Variants in HACD3 observed in about 807,000 individuals in gnomAD.
HACD3 encodes 3-hydroxyacyl-CoA dehydratase 3.
In HACD3, 30 loss-of-function variants were observed where a neutral mutation model predicts 55.2. The ratio of observed to expected loss-of-function variants is 0.54; its 90% confidence interval spans 0.41 to 0.74. The LOEUF (loss-of-function observed/expected upper bound fraction) is 0.74, where lower values mean the gene tolerates loss of function less well. HACD3 is among the 30% of genes least tolerant of loss of function. The pLI is 0.00. For synonymous variants in HACD3, 141 were observed against 151.7 expected (o/e 0.93, Z 0.52); for missense variants, 363 against 440.1 (o/e 0.82, Z 1.57).
chr15:65,561,284 T>A (rs943943417), intron 5 of HACD3, among the ~76,000 whole-genome samples: 1 of 152,030 alleles, frequency 6.6e-6, no homozygotes, highest in African/African-American at 2.4e-5. Flanking sequence ...CTGGCCAACA[T>A]GATGAAACCC....
At chr15:65,568,976 G>A (rs111703477) in intron 7 of HACD3, among the ~76,000 whole-genome samples, 13 of 152,014 alleles carry the variant, frequency 8.6e-5, no homozygotes, top group African/African-American at 2.2e-4. Context: ...GGCCGGGCGC[G>A]GTGGCTCATG....
intron 7 of HACD3, among the ~76,000 whole-genome samples, chr15:65,569,772 T>G (rs1301666191): frequency 2.0e-5 from 3 of 152,252 alleles, no homozygotes; most frequent in African/African-American, 4.8e-5. Context: ...GGTCCCACGT[T>G]TGTAGTGCTC....
At chr15:65,549,560 A>G (rs1184924570) in intron 1 of HACD3, among the ~76,000 whole-genome samples, 2 of 146,786 alleles carry the variant, frequency 1.4e-5, no homozygotes, top group East Asian at 4.0e-4. Flanking sequence ...AGATGGCGCC[A>G]CTGTACTCCA....
intron 1 of HACD3, among the ~76,000 whole-genome samples, chr15:65,546,536 A>G (rs2141210031): frequency 6.6e-6 from 1 of 152,312 alleles, no homozygotes; most frequent in South Asian, 2.1e-4. Flanking sequence ...AAAAAAACCA[A>G]ATATGACATT....
At chr15:65,570,922 CT>C (rs2072341788) in intron 8 of HACD3, among the ~76,000 whole-genome samples, 1 of 152,238 alleles carries the variant, frequency 6.6e-6, no homozygotes, top group South Asian at 2.1e-4. Flanking sequence ...AGTGTACCCT[CT>C]AATAGCCTTA....
At chr15:65,567,930 CT>C (rs747363151) in intron 7 of HACD3, among the ~76,000 whole-genome samples, 334 of 130,774 alleles carry the variant, frequency 2.6e-3, no homozygotes, top group Admixed American at 2.4e-3. Flanking sequence ...TAGTTTCTTT[CT>C]TTTTTTTTTT....
In HACD3 at chr15:65,576,347, C is replaced by T. The variant is rs192711057; in HGVS notation, c.1057C>T (p.Arg353Cys). Residue 353 changes from arginine to cysteine, a missense_variant, in exon 11 of 11, where the codon CGC becomes TGC. Physicochemically the swap from Arg to Cys is radical, Grantham distance 180. Coordinates refer to ENST00000261875, the MANE Select transcript of HACD3 (RefSeq NM_016395.4). ...TCACCTTTATAAACAGCGCAGACGG[C>T]GCTATGGACAAAAAAAGAAAAAGAT... ...FRHLYKQRRR[R>C]YGQKKKKIH 9 of 1,602,570 alleles carry T rather than the reference C, an allele frequency of 5.6e-6. No homozygotes were observed. In the East Asian group the frequency reaches 6.7e-5, roughly 12 times the overall value.
At position 65,530,615 on chromosome 15, in the gene HACD3, C is replaced by T. The variant is rs767934966; in HGVS notation, c.-17C>T. The stretch of plus-strand genomic sequence containing the variant: ...GCGCAGCGAGCCTAGCCTCCCCGCG[C>T]CCTGGGCAGTGTGGCCATGGAGAAT... On this transcript the variant is annotated 5_prime_UTR_variant, in exon 1 of 11. Coordinates refer to ENST00000261875, the MANE Select transcript of HACD3 (RefSeq NM_016395.4). The T allele has an allele frequency of 7.7e-6, 12 of 1,563,534 alleles. No individual in the cohort carries two copies. Among genetic ancestry groups the T allele is most frequent in the Non-Finnish European group, 1.0e-5 (12 of 1,155,076 alleles).
chr15:65,577,255 A>G lies in HACD3; in HGVS notation c.*876A>G, dbSNP rs892276710. ...GCTTGGGCAACGTAGTGAGACCCCTATCTCTACAAAAAATAAAAAAATTAG... is the reference window on the plus strand; with the variant it reads ...GCTTGGGCAACGTAGTGAGACCCCTGTCTCTACAAAAAATAAAAAAATTAG... On this transcript the variant is annotated 3_prime_UTR_variant, in exon 11 of 11. Transcript: ENST00000261875. 1 of 152,098 alleles carries G rather than the reference A, an allele frequency of 6.6e-6. No individual in the cohort carries two copies. Among genetic ancestry groups the G allele is most frequent in the Non-Finnish European group, 1.5e-5 (1 of 68,046 alleles). The allele number at this position is 152,098 out of a possible 1,614,324, so 9.4% of individuals were successfully genotyped here.
chr15:65,553,814 G>A (rs892862959), intron 2 of HACD3, among the ~76,000 whole-genome samples: 1 of 152,186 alleles, frequency 6.6e-6, no homozygotes, highest in African/African-American at 2.4e-5. Context: ...GTCCCAGAAG[G>A]GAACCAAATG....
intron 1 of HACD3, among the ~76,000 whole-genome samples, chr15:65,543,990 C>T (rs949864493): frequency 6.6e-6 from 1 of 152,100 alleles, no homozygotes; most frequent in African/African-American, 2.4e-5. Flanking sequence ...TCCTGGCTAA[C>T]ATGGTGAAAC....
chr15:65,555,096 C>T (rs2072175883), intron 3 of HACD3, 136 bp downstream of exon 3: 1 of 708,418 alleles, frequency 1.4e-6, no homozygotes, highest in East Asian at 2.7e-5. Context: ...TTATTTGGAA[C>T]AGAGCCCAGG....
chr15:65,556,896 G>C lies in HACD3; in HGVS notation c.362G>C (p.Arg121Thr). 1 of 1,611,708 alleles carries C rather than the reference G, an allele frequency of 6.2e-7. No homozygotes were observed. Among genetic ancestry groups the C allele is most frequent in the Non-Finnish European group, 8.5e-7 (1 of 1,178,884 alleles). ...LDESDAEMEL[R>T]AKEEERLNKL... ...GAATCTGATGCGGAAATGGAGCTCA[G>C]AGCTAAGGTTAGTAAGGATCCTAGG... Residue 121 changes from arginine (R) to threonine (T), a missense_variant, in exon 4 of 11, where the codon AGA becomes ACA. Coordinates refer to ENST00000261875, the MANE Select transcript of HACD3 (RefSeq NM_016395.4).
chr15:65,567,665 T>G (rs887383128), intron 7 of HACD3, among the ~76,000 whole-genome samples: 4 of 152,160 alleles, frequency 2.6e-5, no homozygotes, highest in African/African-American at 9.7e-5. Flanking sequence ...TACAGATGAA[T>G]GGATAAGAAT....
In HACD3 at chr15:65,530,581, G is replaced by GGCAGCGAGGC. The variant is rs1001808962; in HGVS notation, c.-42_-33dup. The GGCAGCGAGGC allele has an allele frequency of 2.4e-5, 36 of 1,500,352 alleles. No individual in the cohort carries two copies. The highest frequency in any genetic ancestry group is 6.1e-5 in the South Asian group (5 of 81,884). The allele number at this position is 1,500,352 out of a possible 1,614,324, so 92.9% of individuals were successfully genotyped here. A position where few individuals can be genotyped will look rare whatever the true frequency, so the allele number is the denominator to read the frequency against. On this transcript the variant is annotated 5_prime_UTR_variant, in exon 1 of 11. Transcript: ENST00000261875. ...CTCGCGCCAGCAGAGCACTACCTGA[G>GGCAGCGAGGC]GCAGCGAGGCGCAGCGAGCCTAGCC...
rs539637230 is a variant in HACD3 at position 65,562,845 on chromosome 15, T to G, written c.493T>G (p.Phe165Val). 6.2e-7 allele frequency: 1 copy of G among 1,613,998 alleles called. No homozygotes were observed. Among genetic ancestry groups the G allele is most frequent in the Admixed American group, 1.7e-5 (1 of 60,016 alleles). The change falls in exon 6 of 11, where the codon TTT becomes GTT. Residue 165 changes from phenylalanine to valine, a missense_variant. By Grantham distance (50) the Phe-to-Val change is conservative. Transcript: ENST00000261875. ...GCAATTCTTGGGATTCTCCTGGATC[T>G]TTGTCAACCTGACTGTGCGATTCTG... is the stretch of plus-strand genomic sequence containing the variant. Reference protein sequence around the residue: ...LVQFLGFSWIFVNLTVRFCIL... With the variant: ...LVQFLGFSWIVVNLTVRFCIL...
intron 7 of HACD3, among the ~76,000 whole-genome samples, chr15:65,567,430 A>G (rs1028997579): frequency 6.6e-6 from 1 of 152,266 alleles, no homozygotes. Context: ...TAGAGAGCAC[A>G]AAAAGTAAAT....
intron 1 of HACD3, among the ~76,000 whole-genome samples, chr15:65,543,139 CTG>C (rs1013913606): frequency 1.3e-4 from 20 of 150,878 alleles, no homozygotes; most frequent in African/African-American, 4.6e-4. Flanking sequence ...AAGGACCTAA[CTG>C]TGTATCAAAT....
intron 1 of HACD3, chr15:65,551,036 C>CT (rs1273263379): frequency 1.3e-5 from 2 of 152,234 alleles, no homozygotes; most frequent in African/African-American, 2.4e-5. Context: ...TCTGGAGCCT[C>CT]TAAGTTAGAG....
Sources: gnomAD v4.1 joint callset for allele counts (sites outside exome capture counted in the v4.1 genomes callset) on GRCh38, gnomAD v4.1.1 for gene constraint, MANE v1.5 for transcripts, NCBI Gene and HGNC (gene_info 2026-07-23, HGNC 2026-07-21) for gene names.